SSH1: variants seen among roughly 807,000 people sequenced by gnomAD.
SSH1 encodes protein phosphatase Slingshot homolog 1.
A neutral mutation model predicts 79.7 loss-of-function variants in SSH1; 43 were observed. The ratio of observed to expected loss-of-function variants is 0.54; its 90% CI spans 0.42 to 0.70. The LOEUF is 0.70. Among genes scored for constraint, SSH1 ranks in the 30% least tolerant of loss-of-function variants. SSH1 has a pLI of 0.00. For synonymous variants in SSH1, 599 were observed against 538.3 expected (o/e 1.11, Z -1.56); for missense variants, 1,206 against 1,358.8 (o/e 0.89, Z 1.77).
intron 8 of SSH1, 35 bp from the exon 9 acceptor site, chr12:108,806,429 T>C (rs2037278031): frequency 6.3e-7 from 1 of 1,596,466 alleles, no homozygotes; most frequent in African/African-American, 1.3e-5. Flanking sequence ...AGCAAGGAGC[T>C]GTAGAAAGCT....
intron 2 of SSH1, chr12:108,827,337 A>G: frequency 6.4e-7 from 1 of 1,550,534 alleles, no homozygotes; most frequent in Non-Finnish European, 8.7e-7. Flanking sequence ...CGGTAAAATA[A>G]AAGAGGTTCG....
intron 2 of SSH1, among the ~76,000 whole-genome samples, chr12:108,825,827 T>C (rs1185962209): frequency 6.6e-6 from 1 of 152,214 alleles, no homozygotes; most frequent in Non-Finnish European, 1.5e-5. Context: ...GCCGATCTCA[T>C]TTCACAGGCT....
Position 108,800,946 on chromosome 12 carries a change from A to G in SSH1, c.1002-20T>C, listed in dbSNP as rs561703523. 3.2e-5 allele frequency: 52 copies of G among 1,610,534 alleles called. 1 individual carries two copies. The Middle Eastern group carries it at 8.9e-4, about 28-fold the overall frequency. Reference sequence around the variant, plus strand: ...TCAACCCTGCAATGAGAAAAAAATAAGAAACAAATTTGGACAATCTGAATG... The same window carrying G: ...TCAACCCTGCAATGAGAAAAAAATAGGAAACAAATTTGGACAATCTGAATG... On this transcript the variant is annotated intron_variant, in intron 11 of 14. Transcript: ENST00000326495.
At chr12:108,827,595 A>G (rs527971694) in intron 2 of SSH1, 23 of 1,240,928 alleles carry the variant, frequency 1.9e-5, no homozygotes, top group Admixed American at 4.1e-5. Context: ...GCCATTCAGC[A>G]AAACAGCTGA....
chr12:108,843,343 C>T (rs2038823005), intron 2 of SSH1, among the ~76,000 whole-genome samples: 1 of 152,172 alleles, frequency 6.6e-6, no homozygotes, highest in African/African-American at 2.4e-5. Context: ...CAATACTCAA[C>T]TTACAAGACC....
At position 108,792,270 on chromosome 12, in the gene SSH1, G is replaced by C; in HGVS notation, c.1893+16C>G. The C allele has an allele frequency of 1.2e-6, 2 of 1,614,194 alleles. No homozygotes were observed. The highest frequency in any genetic ancestry group is 1.7e-6 in the Non-Finnish European group (2 of 1,180,032). On this transcript the variant is annotated intron_variant, in intron 14 of 14. Transcript: ENST00000326495. ...AGGGATGGGGTGTGCCACCCTGCAG[G>C]CCGGGCTCTGCCTACCTCCATGCCG... is the stretch of plus-strand genomic sequence containing the variant.
rs570613248 is a variant in SSH1 at position 108,857,222 on chromosome 12, G to A, written c.69+206C>T. ...CGATAGGGGTCACACCGCACACAAA[G>A]TCCCCGCACAGCTCCCCAAGACAGG... is the stretch of plus-strand genomic sequence containing the variant. On this transcript the variant is annotated intron_variant, in intron 1 of 14. Transcript: ENST00000326495. This position sits in a 1 kb window ranked among gnomAD's most constrained non-coding sequence, Gnocchi z 4.7. Among the ~76,000 whole-genome samples, 78 of 152,146 alleles carry A rather than the reference G, an allele frequency of 5.1e-4. No individual in the cohort carries two copies. The highest frequency in any genetic ancestry group is 3.5e-3 in the South Asian group (17 of 4,832).
chr12:108,780,551 A>G lies in SSH1; in HGVS notation c.*7437T>C, dbSNP rs889772711. The G allele has an allele frequency of 3.3e-4, 51 of 152,246 alleles. No individual in the cohort carries two copies. The highest frequency in any genetic ancestry group is 1.1e-3 in the African/African-American group (45 of 41,464). The allele number at this position is 152,246 out of a possible 1,614,324, so 9.4% of individuals were successfully genotyped here. A position where few individuals can be genotyped will look rare whatever the true frequency, so the allele number is the denominator to read the frequency against. On this transcript the variant is annotated 3_prime_UTR_variant, in exon 15 of 15. Transcript: ENST00000326495. ...TTGATGGTTTCTAAACTTGGCCATC[A>G]GAATTCCCAGGGAATCTCAGAAACA...
intron 2 of SSH1, among the ~76,000 whole-genome samples, chr12:108,831,138 G>A (rs2038461837): frequency 6.6e-6 from 1 of 152,172 alleles, no homozygotes; most frequent in African/African-American, 2.4e-5. Flanking sequence ...TAGAGAATAT[G>A]AGCCTGAAGA....
intron 13 of SSH1, among the ~76,000 whole-genome samples, chr12:108,793,850 G>C (rs1340748518): frequency 1.3e-5 from 2 of 152,228 alleles, no homozygotes; most frequent in African/African-American, 4.8e-5. Context: ...GTGTGACAGA[G>C]CCATTCATCC....
chr12:108,812,129 A>G (rs773337816), intron 5 of SSH1, among the ~76,000 whole-genome samples: 15 of 152,078 alleles, frequency 9.9e-5, no homozygotes, highest in Non-Finnish European at 1.5e-4. Context: ...CCATGCTTCT[A>G]TATCTGTGGG....
chr12:108,794,448 C>G (rs1350955827), intron 13 of SSH1, among the ~76,000 whole-genome samples: 1 of 152,218 alleles, frequency 6.6e-6, no homozygotes, highest in African/African-American at 2.4e-5. Flanking sequence ...ATAGGTCAAC[C>G]TCTCAGCGTC....
At chr12:108,789,795 C>T (rs544010822) in intron 14 of SSH1, among the ~76,000 whole-genome samples, 2 of 152,172 alleles carry the variant, frequency 1.3e-5, no homozygotes, top group Admixed American at 6.5e-5. Flanking sequence ...TACCCCACCC[C>T]GCCTGCACAG....
chr12:108,821,016 A>G (rs533081361), intron 3 of SSH1, among the ~76,000 whole-genome samples: 83 of 152,376 alleles, frequency 5.4e-4, no homozygotes, highest in African/African-American at 1.9e-3. Context: ...TTGCTTTGTC[A>G]TATGTGTTAC....
chr12:108,788,570 G>GGGGATGCTGGCCTCC lies in SSH1; in HGVS notation c.2553_2567dup (p.Ala853_Glu857dup). The GGGGATGCTGGCCTCC allele has an allele frequency of 6.3e-7, 1 of 1,597,982 alleles. No individual in the cohort carries two copies. The highest frequency in any genetic ancestry group is 8.5e-7 in the Non-Finnish European group (1 of 1,170,220). On this transcript the variant is annotated inframe_insertion, in exon 15 of 15. Coordinates refer to ENST00000326495, the MANE Select transcript of SSH1 (RefSeq NM_018984.4). ...GCGCGGCTGGATCCTGGCTCTCCTCGGGGATGCTGGCCTCCAGCCTGCTGG... is the reference window on the plus strand; with the variant it reads ...GCGCGGCTGGATCCTGGCTCTCCTCGGGGATGCTGGCCTCCGGGATGCTGGCCTCCAGCCTGCTGG...
intron 2 of SSH1, among the ~76,000 whole-genome samples, chr12:108,827,730 C>A (rs1240692108): frequency 6.6e-6 from 1 of 152,184 alleles, no homozygotes; most frequent in Non-Finnish European, 1.5e-5. Context: ...AGCAACAAGA[C>A]CCCCTTCCGA....
At chr12:108,855,568 C>T (rs919766726) in intron 1 of SSH1, among the ~76,000 whole-genome samples, 1 of 152,208 alleles carries the variant, frequency 6.6e-6, no homozygotes, top group Non-Finnish European at 1.5e-5. Flanking sequence ...ACTCTAGGAA[C>T]ATGGGGTTTT....
chr12:108,819,384 A>C (rs984127926), intron 3 of SSH1, among the ~76,000 whole-genome samples: 2 of 152,224 alleles, frequency 1.3e-5, no homozygotes, highest in African/African-American at 4.8e-5. Flanking sequence ...CTGTCAGAAG[A>C]AGCGCACACT....
intron 2 of SSH1, among the ~76,000 whole-genome samples, chr12:108,842,607 C>T (rs955437422): frequency 1.3e-5 from 2 of 152,194 alleles, no homozygotes; most frequent in Admixed American, 1.3e-4. Context: ...AGGGAGTTGA[C>T]GGGACCTGCC....
Sources: allele counts gnomAD v4.1 joint callset (sites outside exome capture counted in the v4.1 genomes callset), GRCh38; gene constraint gnomAD v4.1.1; non-coding constraint Gnocchi (gnomAD v3.1); transcripts MANE v1.5; gene names NCBI Gene and HGNC (gene_info 2026-07-23, HGNC 2026-07-21).